DSTN: variants seen among roughly 807,000 people sequenced by gnomAD.
The protein encoded by DSTN is destrin.
In DSTN, 10 loss-of-function variants were observed where a neutral mutation model predicts 16.8. The ratio of observed to expected loss-of-function variants is 0.60; its 90% CI spans 0.37 to 1.01. DSTN has a LOEUF of 1.01. Ranked by LOEUF, DSTN falls within the 50% of genes least tolerant of loss-of-function variation. The pLI is 0.01. For synonymous variants in DSTN, 57 were observed against 58.9 expected, an observed-to-expected ratio of 0.97 and a Z score of 0.14; for missense variants, 141 against 196.7, an observed-to-expected ratio of 0.72 and a Z score of 1.69.
At chr20:17,591,345 T>G (rs2035466626) in intron 1 of DSTN, among the ~76,000 whole-genome samples, 1 of 152,010 alleles carries the variant, frequency 6.6e-6, no homozygotes, top group Non-Finnish European at 1.5e-5. Context: ...AATTGGGTTT[T>G]TTTTTTTTTG....
At position 17,602,822 on chromosome 20, in the gene DSTN, C is replaced by T. The variant is rs553603955; in HGVS notation, c.312-1733C>T. Among the ~76,000 whole-genome samples the T allele has an allele frequency of 4.6e-5, 7 of 152,180 alleles. No homozygotes were observed. In the South Asian group the frequency reaches 6.2e-4, roughly 14 times the overall value. ...TGGGCAGATCACGAGGTCAAGAGAT[C>T]GAGACCATCCTGGCCAACCAACATG... On this transcript the variant is annotated intron_variant, in intron 2 of 3. Transcript: ENST00000246069.
chr20:17,575,321 C>T (rs909645773), intron 1 of DSTN, among the ~76,000 whole-genome samples: 2 of 152,114 alleles, frequency 1.3e-5, no homozygotes, highest in African/African-American at 2.4e-5. Context: ...TCTTGAAAAA[C>T]TGAATTTAAC....
chr20:17,574,651 A>C (rs1333255061), intron 1 of DSTN, among the ~76,000 whole-genome samples: 1 of 144,708 alleles, frequency 6.9e-6, no homozygotes, highest in Non-Finnish European at 1.5e-5. Context: ...GCTTAAACCC[A>C]GGAGGCGGAG....
intron 3 of DSTN, among the ~76,000 whole-genome samples, chr20:17,606,062 C>T (rs529929352): frequency 3.3e-5 from 5 of 151,672 alleles, no homozygotes; most frequent in Admixed American, 3.3e-4. Flanking sequence ...GAGCTGAGAT[C>T]GCACCATTGC....
chr20:17,574,840 CTTTCT>C (rs1350227582), intron 1 of DSTN, among the ~76,000 whole-genome samples: 4 of 92,268 alleles, frequency 4.3e-5, no homozygotes, highest in African/African-American at 1.7e-4. Context: ...TTTCTTTTTT[CTTTCT>C]TTTCTTTTTC....
chr20:17,589,206 C>T (rs1276755879), intron 1 of DSTN, among the ~76,000 whole-genome samples: 5 of 151,806 alleles, frequency 3.3e-5, no homozygotes, highest in African/African-American at 1.2e-4. Flanking sequence ...ACCCCTAACC[C>T]TCCCTCCCCC....
chr20:17,599,108 A>T (rs1485168740), intron 1 of DSTN: 2 of 152,252 alleles, frequency 1.3e-5, no homozygotes, highest in African/African-American at 4.8e-5. Flanking sequence ...GGGATATCCA[A>T]ACAATGGAAC....
At chr20:17,586,582 G>C (rs2035411114) in intron 1 of DSTN, among the ~76,000 whole-genome samples, 1 of 152,154 alleles carries the variant, frequency 6.6e-6, no homozygotes, top group Admixed American at 6.5e-5. Context: ...AAATTCTTAG[G>C]TTTGTTTTTA....
chr20:17,602,133 G>A (rs1231284324), intron 2 of DSTN, among the ~76,000 whole-genome samples: 1 of 152,178 alleles, frequency 6.6e-6, no homozygotes, highest in African/African-American at 2.4e-5. Context: ...TTGTATTTCA[G>A]TAAGCTTTTA....
chr20:17,577,614 A>C (rs760328914), intron 1 of DSTN, among the ~76,000 whole-genome samples: 2 of 152,138 alleles, frequency 1.3e-5, no homozygotes, highest in Non-Finnish European at 2.9e-5. Flanking sequence ...AGAATATTTC[A>C]TCTTTAGGCC....
In DSTN at chr20:17,604,574, C is replaced by A. The variant is rs756819966; in HGVS notation, c.331C>A (p.Leu111Met). 3 of 1,613,116 alleles carry A rather than the reference C, an allele frequency of 1.9e-6. No individual in the cohort carries two copies. In the South Asian group the frequency reaches 3.3e-5, roughly 18 times the overall value. ...FFLWAPELAP[L>M]KSKMIYASSK... The stretch of plus-strand genomic sequence containing the variant: ...ATCTAGGGCACCAGAACTAGCACCT[C>A]TGAAAAGTAAAATGATCTATGCAAG... Residue 111 changes from leucine to methionine, a missense_variant, in exon 3 of 4, where the codon CTG (leucine) becomes ATG (methionine). Transcript: ENST00000246069.
intron 1 of DSTN, among the ~76,000 whole-genome samples, chr20:17,588,403 G>A (rs1329568835): frequency 2.0e-5 from 3 of 151,992 alleles, no homozygotes; most frequent in African/African-American, 7.3e-5. Context: ...AACCACCTTG[G>A]GCACATGTTC....
intron 1 of DSTN, among the ~76,000 whole-genome samples, chr20:17,584,153 T>C (rs1220024167): frequency 1.3e-5 from 2 of 152,180 alleles, no homozygotes; most frequent in Non-Finnish European, 2.9e-5. Context: ...TTTAAACGGG[T>C]AAATTTCATG....
At position 17,601,120 on chromosome 20, in the gene DSTN, A is replaced by G. The variant is rs940555371; in HGVS notation, c.311+75A>G. The G allele has an allele frequency of 8.2e-5, 120 of 1,470,090 alleles. 1 individual carries two copies. The highest frequency in any genetic ancestry group is 1.1e-4 in the Non-Finnish European group (117 of 1,104,456). 91.1% of individuals were successfully genotyped at this position (1,470,090 alleles called of 1,614,324 possible). A position where few individuals can be genotyped will look rare whatever the true frequency, so the allele number is the denominator to read the frequency against. On this transcript the variant is annotated intron_variant, in intron 2 of 3. Transcript: ENST00000246069. ...CTCGGGAAGACCAGTTCCAGCACCA[A>G]AGTAATTTTTATTCAAACTATTTGC... is the stretch of plus-strand genomic sequence containing the variant.
At chr20:17,605,315 C>A (rs1190086034) in intron 3 of DSTN, 1 of 360,348 alleles carries the variant, frequency 2.8e-6, no homozygotes, top group Non-Finnish European at 5.5e-6. Context: ...ACTGCTTAAC[C>A]TCCATGGGCC....
intron 1 of DSTN, among the ~76,000 whole-genome samples, chr20:17,571,881 G>C (rs2122152585): frequency 6.6e-6 from 1 of 152,290 alleles, no homozygotes; most frequent in South Asian, 2.1e-4. Flanking sequence ...AATTAGAAAT[G>C]AGCGATTTCC....
rs1353596633 is a variant in DSTN at position 17,608,263 on chromosome 20, T to C, written c.*1117T>C. ...ACTTACCTCTCGTGTAATTTTCATG[T>C]GTGAATTGGGAATACAGGATTTTGC... On this transcript the variant is annotated 3_prime_UTR_variant, in exon 4 of 4. Coordinates refer to ENST00000246069, the MANE Select transcript of DSTN (RefSeq NM_006870.4). 6.6e-6 allele frequency: 1 copy of C among 152,216 alleles called. No individual in the cohort carries two copies. The highest frequency in any genetic ancestry group is 2.4e-5 in the African/African-American group (1 of 41,446). 9.4% of individuals were successfully genotyped at this position (152,216 alleles called of 1,614,324 possible).
chr20:17,593,282 A>G (rs1004596758), intron 1 of DSTN, among the ~76,000 whole-genome samples: 1 of 152,204 alleles, frequency 6.6e-6, no homozygotes. Flanking sequence ...ATCAAGGAAT[A>G]ATGTATATTC....
At chr20:17,597,077 T>G (rs73258690) in intron 1 of DSTN, among the ~76,000 whole-genome samples, 10,811 of 152,266 alleles carry the variant, frequency 0.071, 627 homozygotes, top group African/African-American at 0.16. Context: ...GTTCTTCAAT[T>G]TTTGTTGCTT....
Sources: allele counts gnomAD v4.1 joint callset (sites outside exome capture counted in the v4.1 genomes callset), GRCh38; gene constraint gnomAD v4.1.1; transcripts MANE v1.5; gene names NCBI Gene and HGNC (gene_info 2026-07-23, HGNC 2026-07-21).